GPC5: variants seen among roughly 807,000 people sequenced by gnomAD.
GPC5 encodes the protein glypican-5.
In GPC5, 47 loss-of-function variants were observed where a neutral mutation model predicts 53.9. The observed-to-expected ratio is 0.87, with a 90% CI of 0.69 to 1.11. The LOEUF (loss-of-function observed/expected upper bound fraction) is 1.11. Ranked by LOEUF, GPC5 falls within the 50% of genes most tolerant of loss-of-function variation. GPC5 has a pLI of 0.00. For synonymous variants in GPC5, 286 were observed against 263.3 expected, an observed-to-expected ratio of 1.09 and a Z score of -0.84; for missense variants, 748 against 713.1, an observed-to-expected ratio of 1.05 and a Z score of -0.56.
intron 7 of GPC5, among the ~76,000 whole-genome samples, chr13:92,548,731 C>T (rs1284020116): frequency 2.0e-5 from 3 of 152,050 alleles, no homozygotes; most frequent in African/African-American, 7.2e-5. Flanking sequence ...CTTAACCTTT[C>T]CATTACTTTT....
chr13:91,958,603 C>T (rs1016250253), intron 6 of GPC5, among the ~76,000 whole-genome samples: 1 of 151,986 alleles, frequency 6.6e-6, no homozygotes, highest in Non-Finnish European at 1.5e-5. Context: ...GGAACATTCT[C>T]CAGGATAGGT....
At chr13:92,063,839 C>T (rs2041143498) in intron 6 of GPC5, among the ~76,000 whole-genome samples, 1 of 152,016 alleles carries the variant, frequency 6.6e-6, no homozygotes, top group Admixed American at 6.6e-5. Flanking sequence ...AAAAATGATG[C>T]TCTTAGGAAT....
At position 92,320,644 on chromosome 13, in the gene GPC5, G is replaced by A. The variant is rs528042230; in HGVS notation, c.1561+175655G>A. Among the ~76,000 whole-genome samples the A allele has an allele frequency of 3.8e-3, 578 of 152,200 alleles. 2 individuals are homozygous for A. The highest frequency in any genetic ancestry group is 0.013 in the African/African-American group (554 of 41,536). ...TATTTCTTAATGACCCTTGATAAGG[G>A]AAAATATACTTTTGTCTAAAGTCTC... is the stretch of plus-strand genomic sequence containing the variant. On this transcript the variant is annotated intron_variant, in intron 7 of 7. Coordinates refer to ENST00000377067, the MANE Select transcript of GPC5 (RefSeq NM_004466.6).
intron 6 of GPC5, among the ~76,000 whole-genome samples, chr13:92,088,952 G>A (rs926240437): frequency 1.3e-5 from 2 of 152,068 alleles, no homozygotes; most frequent in Admixed American, 6.6e-5. Context: ...GAGAGAACCA[G>A]GAGTCAATTT....
Position 91,416,454 on chromosome 13 carries a change from T to TTTA in GPC5, c.163+17265_163+17267dup, listed in dbSNP as rs368453925. On this transcript the variant is annotated intron_variant, in intron 1 of 7. Transcript: ENST00000377067. ...ACTATACTTGAGAGAATCCATTTCT[T>TTTA]TTATTATTATTATTATTATTATACT... Among the ~76,000 whole-genome samples, 246 of 151,074 alleles carry TTTA rather than the reference T, an allele frequency of 1.6e-3. 1 individual carries two copies. Among genetic ancestry groups the TTTA allele is most frequent in the African/African-American group, 4.3e-3 (177 of 41,156 alleles).
intron 7 of GPC5, among the ~76,000 whole-genome samples, chr13:92,823,368 C>T (rs1008713737): frequency 2.0e-5 from 3 of 151,948 alleles, no homozygotes; most frequent in African/African-American, 7.3e-5. Context: ...CATATAAATA[C>T]AACTTATCAG....
At chr13:92,153,611 G>C (rs1473258559) in intron 7 of GPC5, among the ~76,000 whole-genome samples, 1 of 152,170 alleles carries the variant, frequency 6.6e-6, no homozygotes, top group Non-Finnish European at 1.5e-5. Context: ...TGTGCAAGAG[G>C]ATGCAGGATA....
At chr13:91,506,307 A>C in intron 2 of GPC5, among the ~76,000 whole-genome samples, 1 of 152,198 alleles carries the variant, frequency 6.6e-6, no homozygotes, top group East Asian at 1.9e-4. Flanking sequence ...AAAATGAAAA[A>C]TACAGTATCA....
chr13:92,857,297 C>T (rs2138851302), intron 7 of GPC5, among the ~76,000 whole-genome samples: 1 of 152,142 alleles, frequency 6.6e-6, no homozygotes, highest in African/African-American at 2.4e-5. Context: ...TCCTACATGT[C>T]ACCATATACA....
At chr13:92,611,958 G>A (rs1310237354) in intron 7 of GPC5, among the ~76,000 whole-genome samples, 2 of 152,064 alleles carry the variant, frequency 1.3e-5, no homozygotes, top group African/African-American at 2.4e-5. Flanking sequence ...AGGCTTATTT[G>A]CATTGCGTAC....
At chr13:92,147,906 C>T (rs190285305) in intron 7 of GPC5, among the ~76,000 whole-genome samples, 15 of 152,004 alleles carry the variant, frequency 9.9e-5, no homozygotes, top group Non-Finnish European at 1.5e-4. Flanking sequence ...GTATTTTGCC[C>T]GTTTTGGCCC....
At chr13:91,753,237 G>A (rs184659) in intron 4 of GPC5, among the ~76,000 whole-genome samples, 3,539 of 152,234 alleles carry the variant, frequency 0.023, 133 homozygotes, top group African/African-American at 0.08. Context: ...AGAAAGTGAT[G>A]TGTGCCTTGG....
At position 91,639,763 on chromosome 13, in the gene GPC5, A is replaced by T. The variant is rs958102108; in HGVS notation, c.326-53424A>T. On this transcript the variant is annotated intron_variant, in intron 2 of 7. Coordinates refer to ENST00000377067, the MANE Select transcript of GPC5 (RefSeq NM_004466.6). ...TATTTTCTTCATTGTGTTCCTATTC[A>T]TGGAGGACATATAGTATTCAGGTGT... Among the ~76,000 whole-genome samples the T allele has an allele frequency of 6.6e-5, 10 of 152,206 alleles. No individual in the cohort carries two copies. In the East Asian group the frequency reaches 1.9e-3, roughly 29 times the overall value.
intron 6 of GPC5, among the ~76,000 whole-genome samples, chr13:92,131,221 T>G (rs1408689752): frequency 6.6e-6 from 1 of 152,002 alleles, no homozygotes; most frequent in African/African-American, 2.4e-5. Context: ...ACCACTCTTA[T>G]AGACTGTTAT....
rs546281097 is a variant in GPC5 at position 92,589,714 on chromosome 13, C to T, written c.1562-276568C>T. Among the ~76,000 whole-genome samples, 5 of 152,232 alleles carry T rather than the reference C, an allele frequency of 3.3e-5. No homozygotes were observed. In the East Asian group the frequency reaches 9.6e-4, roughly 29 times the overall value. On this transcript the variant is annotated intron_variant, in intron 7 of 7. Coordinates refer to ENST00000377067, the MANE Select transcript of GPC5 (RefSeq NM_004466.6). Reference sequence around the variant, plus strand: ...GTAATCAGGTCTGTGGTGACCCAATCAAGTTATTTTACTTGTATAAAATTA... The same window carrying T: ...GTAATCAGGTCTGTGGTGACCCAATTAAGTTATTTTACTTGTATAAAATTA...
intron 7 of GPC5, among the ~76,000 whole-genome samples, chr13:92,175,261 G>A (rs565065551): frequency 6.6e-6 from 1 of 152,244 alleles, no homozygotes; most frequent in African/African-American, 2.4e-5. Context: ...TGGTGACCCT[G>A]TATGTTTGTT....
chr13:91,838,619 A>T (rs2038749487), intron 5 of GPC5, among the ~76,000 whole-genome samples: 1 of 152,026 alleles, frequency 6.6e-6, no homozygotes, highest in Admixed American at 6.6e-5. Flanking sequence ...CCTGGAATAG[A>T]TGAAAAGATT....
intron 7 of GPC5, among the ~76,000 whole-genome samples, chr13:92,302,884 AT>A (rs749732069): frequency 1.3e-5 from 2 of 152,106 alleles, no homozygotes; most frequent in Non-Finnish European, 2.9e-5. Context: ...TTTTATTCTT[AT>A]GGGAGGATCA....
At chr13:92,486,921 T>A (rs2139440601) in intron 7 of GPC5, among the ~76,000 whole-genome samples, 1 of 152,074 alleles carries the variant, frequency 6.6e-6, no homozygotes, top group Non-Finnish European at 1.5e-5. Flanking sequence ...AGAGGCGTTA[T>A]CTCGGCTCAC....
Sources: gnomAD v4.1 joint callset for allele counts (sites outside exome capture counted in the v4.1 genomes callset) on GRCh38, gnomAD v4.1.1 for gene constraint, MANE v1.5 for transcripts, NCBI Gene and HGNC (gene_info 2026-07-23, HGNC 2026-07-21) for gene names.